The following CCSER1 variants were observed in gnomAD, a reference collection of about 807,000 sequenced individuals.
CCSER1 encodes coiled-coil serine rich protein 1.
CCSER1 carries 41 observed loss-of-function variants against 82.0 expected under a neutral mutation model. That is an observed-to-expected ratio of 0.50 (90% CI 0.39 to 0.65). The LOEUF is 0.65. Among genes scored for constraint, CCSER1 ranks in the 30% least tolerant of loss-of-function variants. The pLI is 0.00. For missense variants in CCSER1, 1,119 were observed against 1,064.2 expected (o/e 1.05, Z -0.72); for synonymous variants, 414 against 383.9 (o/e 1.08, Z -0.92).
At chr4:90,508,369 T>A (rs1771004889) in intron 5 of CCSER1, among the ~76,000 whole-genome samples, 1 of 150,796 alleles carries the variant, frequency 6.6e-6, no homozygotes, top group African/African-American at 2.5e-5. Context: ...TTTTTCTGGA[T>A]TTTTTTTCAT....
At chr4:91,594,470 C>CATATATATACAT (rs1351867008) in intron 10 of CCSER1, among the ~76,000 whole-genome samples, 6 of 148,368 alleles carry the variant, frequency 4.0e-5, no homozygotes, top group Admixed American at 6.8e-5. Flanking sequence ...CACATATATA[C>CATATATATACAT]ATATATATAC....
At chr4:90,593,441 G>C (rs1782950137) in intron 5 of CCSER1, among the ~76,000 whole-genome samples, 1 of 152,048 alleles carries the variant, frequency 6.6e-6, no homozygotes, top group Non-Finnish European at 1.5e-5. Flanking sequence ...CGAGGATAGA[G>C]ACTCAAGAGC....
chr4:90,410,524 A>G (rs553961156), intron 4 of CCSER1, among the ~76,000 whole-genome samples: 1 of 152,344 alleles, frequency 6.6e-6, no homozygotes, highest in South Asian at 2.1e-4. Flanking sequence ...CCTGTTCTGA[A>G]TGACTACTGG....
At chr4:90,745,233 G>A (rs969812656) in intron 7 of CCSER1, among the ~76,000 whole-genome samples, 5 of 152,062 alleles carry the variant, frequency 3.3e-5, no homozygotes, top group South Asian at 2.1e-4. Flanking sequence ...TGTAGACCCC[G>A]TCTATCTTCA....
At chr4:90,658,762 A>G (rs967188767) in intron 6 of CCSER1, among the ~76,000 whole-genome samples, 2 of 152,220 alleles carry the variant, frequency 1.3e-5, no homozygotes, top group Admixed American at 6.5e-5. Flanking sequence ...AAGAATCAAT[A>G]AACATTTAAA....
intron 3 of CCSER1, among the ~76,000 whole-genome samples, chr4:90,356,562 A>G (rs1032919549): frequency 1.3e-5 from 2 of 151,726 alleles, no homozygotes; most frequent in African/African-American, 4.8e-5. Context: ...CATTTTCTTT[A>G]TCTACAAAAT....
intron 10 of CCSER1, among the ~76,000 whole-genome samples, chr4:91,311,817 G>T (rs1178929058): frequency 6.6e-6 from 1 of 151,822 alleles, no homozygotes; most frequent in African/African-American, 2.4e-5. Flanking sequence ...AATGCACATA[G>T]ACATCTTTTC....
Position 90,308,197 on chromosome 4 carries a change from G to T in CCSER1, c.-41-47G>T, listed in dbSNP as rs549403108. ...TATTTTGTTTTAAAATGTATTATTT[G>T]TAGTTGAATTCTATTGACTTGTTGT... On this transcript the variant is annotated intron_variant, in intron 1 of 10. Coordinates refer to ENST00000509176, the MANE Select transcript of CCSER1 (RefSeq NM_001145065.2). 6.2e-6 allele frequency: 8 copies of T among 1,291,014 alleles called. No individual in the cohort carries two copies. The Admixed American group carries it at 2.2e-4, about 35-fold the overall frequency. The allele number at this position is 1,291,014 out of a possible 1,614,324, so 80.0% of individuals were successfully genotyped here.
At chr4:90,219,131 A>G (rs1741656881) in intron 1 of CCSER1, among the ~76,000 whole-genome samples, 1 of 152,210 alleles carries the variant, frequency 6.6e-6, no homozygotes, top group African/African-American at 2.4e-5. Flanking sequence ...GTTAGAAATC[A>G]TTTGAATAAT....
chr4:90,655,843 A>C (rs1399409), intron 6 of CCSER1, among the ~76,000 whole-genome samples: 126,189 of 151,790 alleles, frequency 0.83, 52,464 homozygotes, highest in East Asian at 0.91. Flanking sequence ...TATCTGACAA[A>C]CTTAAACAAT....
intron 7 of CCSER1, among the ~76,000 whole-genome samples, chr4:90,813,432 G>T (rs1401353784): frequency 6.6e-6 from 1 of 152,178 alleles, no homozygotes; most frequent in Non-Finnish European, 1.5e-5. Context: ...TTCACAGCCT[G>T]GTGGTGAGTG....
At chr4:90,253,227 T>TAAGA (rs1279390894) in intron 1 of CCSER1, among the ~76,000 whole-genome samples, 1 of 152,072 alleles carries the variant, frequency 6.6e-6, no homozygotes, top group Non-Finnish European at 1.5e-5. Flanking sequence ...TAAAATCAGT[T>TAAGA]AAGAAAAGGA....
chr4:90,438,474 TGTTAAG>T (rs1759368277), intron 4 of CCSER1, among the ~76,000 whole-genome samples: 1 of 152,132 alleles, frequency 6.6e-6, no homozygotes, highest in Non-Finnish European at 1.5e-5. Context: ...TAAATAACAT[TGTTAAG>T]GTGATTTACC....
intron 5 of CCSER1, among the ~76,000 whole-genome samples, chr4:90,605,631 C>G (rs929576604): frequency 6.6e-6 from 1 of 152,114 alleles, no homozygotes; most frequent in Non-Finnish European, 1.5e-5. Flanking sequence ...AGTCCTAATG[C>G]AGAGGAGACA....
intron 6 of CCSER1, among the ~76,000 whole-genome samples, chr4:90,644,507 C>A (rs1235037465): frequency 6.6e-6 from 1 of 151,812 alleles, no homozygotes; most frequent in African/African-American, 2.4e-5. Flanking sequence ...ATGTGCAGAA[C>A]ATTCAGGTTT....
chr4:91,257,333 A>G (rs996124816), intron 10 of CCSER1, among the ~76,000 whole-genome samples: 53 of 152,258 alleles, frequency 3.5e-4, no homozygotes, highest in African/African-American at 1.3e-3. Context: ...TTTCAAAAAG[A>G]AAGTTCAGAC....
chr4:90,658,958 C>G (rs998450400), intron 6 of CCSER1, among the ~76,000 whole-genome samples: 2 of 152,082 alleles, frequency 1.3e-5, no homozygotes, highest in African/African-American at 4.8e-5. Flanking sequence ...GTACTGTATA[C>G]ACACACATGT....
chr4:90,530,869 C>A (rs550831828), intron 5 of CCSER1, among the ~76,000 whole-genome samples: 1 of 152,250 alleles, frequency 6.6e-6, no homozygotes, highest in Admixed American at 6.5e-5. Context: ...ATTTTCTATT[C>A]TCTTGCAACC....
chr4:90,377,622 T>C (rs1205967578), intron 3 of CCSER1, among the ~76,000 whole-genome samples: 2 of 152,096 alleles, frequency 1.3e-5, no homozygotes, highest in East Asian at 3.9e-4. Context: ...TTAAACAAAA[T>C]AACCAGAGAA....
Sources: gnomAD v4.1 joint callset for allele counts (sites outside exome capture counted in the v4.1 genomes callset) on GRCh38, gnomAD v4.1.1 for gene constraint, MANE v1.5 for transcripts, NCBI Gene and HGNC (gene_info 2026-07-23, HGNC 2026-07-21) for gene names.